Variants in MEX3B observed in about 807,000 individuals in gnomAD.
MEX3B encodes the protein mex-3 RNA binding family member B, also known as RNA-binding protein MEX3B.
A neutral mutation model predicts 12.2 loss-of-function variants in MEX3B; 10 were observed. That is an observed-to-expected ratio of 0.82 (90% CI 0.51 to 1.40). The LOEUF (loss-of-function observed/expected upper bound fraction) is 1.40, where lower values mean the gene tolerates loss of function less well. Among genes scored for constraint, MEX3B ranks in the 40% most tolerant of loss-of-function variants. The pLI, the probability that MEX3B is intolerant of heterozygous loss-of-function variation, is 0.00. For synonymous variants in MEX3B, 498 were observed against 356.3 expected, an observed-to-expected ratio of 1.40 and a Z score of -4.48; for missense variants, 839 against 801.4, an observed-to-expected ratio of 1.05 and a Z score of -0.57.
Position 82,043,158 on chromosome 15 carries a change from C to G in MEX3B, c.*2G>C. On this transcript the variant is annotated 3_prime_UTR_variant, in exon 2 of 2. Transcript: ENST00000329713. ...GGTGCGCACTAGCAGCGCCCGCTGC[C>G]TTTAAGAAAAGATGCGGATGGCCTG... The G allele has an allele frequency of 4.6e-6, 7 of 1,526,186 alleles. No individual in the cohort carries two copies. Among genetic ancestry groups the G allele is most frequent in the Non-Finnish European group, 6.2e-6 (7 of 1,136,100 alleles). The allele number at this position is 1,526,186 out of a possible 1,614,324, so 94.5% of individuals were successfully genotyped here. A position where few individuals can be genotyped will look rare whatever the true frequency, so the allele number is the denominator to read the frequency against.
In MEX3B at chr15:82,044,814, C is replaced by A; in HGVS notation, c.257-201G>T. On this transcript the variant is annotated intron_variant, in intron 1 of 1. Transcript: ENST00000329713. The surrounding 1 kb of genome is among the most constrained non-coding windows in gnomAD (Gnocchi z 5.3). Reference sequence around the variant, plus strand: ...CAGCGGATCCCACCCGCGAGGCGCTCGAGGAACAGCCCATTGGCTGCCTGG... The same window carrying A: ...CAGCGGATCCCACCCGCGAGGCGCTAGAGGAACAGCCCATTGGCTGCCTGG... 1 of 617,174 alleles carries A rather than the reference C, an allele frequency of 1.6e-6. No individual in the cohort carries two copies. Among genetic ancestry groups the A allele is most frequent in the Admixed American group, 2.7e-5 (1 of 36,460 alleles). The allele number at this position is 617,174 out of a possible 1,614,324, so 38.2% of individuals were successfully genotyped here.
chr15:82,045,165 T>A (rs561656220), intron 1 of MEX3B: 1 of 613,636 alleles, frequency 1.6e-6, no homozygotes, highest in African/African-American at 1.8e-5. Flanking sequence ...CCAAGCATCT[T>A]ACATTTAAAT....
chr15:82,043,249 C>A lies in MEX3B; in HGVS notation c.1621G>T (p.Glu541Ter). The change falls in exon 2 of 2, where the codon GAG becomes TAG. Residue 541 changes from glutamate (E) to a stop codon, truncating the protein, a stop_gained. Transcript: ENST00000329713. LOFTEE classifies it high-confidence loss of function. The part of the protein sequence containing the change: ...VPCGHNLFCM[E>*]CANRICEKSE... ...TTCTCACAGATGCGATTGGCGCACT[C>A]CATGCAGAAGAGGTTGTGGCCACAG... 1 of 1,607,760 alleles carries A rather than the reference C, an allele frequency of 6.2e-7. No individual in the cohort carries two copies. The highest frequency in any genetic ancestry group is 8.5e-7 in the Non-Finnish European group (1 of 1,176,668).
In MEX3B at chr15:82,043,108, G is replaced by C; in HGVS notation, c.*52C>G. 7.1e-7 allele frequency: 1 copy of C among 1,417,604 alleles called. No homozygotes were observed. Among genetic ancestry groups the C allele is most frequent in the Non-Finnish European group, 9.2e-7 (1 of 1,083,374 alleles). The allele number at this position is 1,417,604 out of a possible 1,614,324, so 87.8% of individuals were successfully genotyped here. A position where few individuals can be genotyped will look rare whatever the true frequency, so the allele number is the denominator to read the frequency against. Reference sequence around the variant, plus strand: ...GCGAGCGCTGGGGAAAGAGGGTGGGGAGGGGTTCCCCCTTCCCCCAGCACG... The same window carrying C: ...GCGAGCGCTGGGGAAAGAGGGTGGGCAGGGGTTCCCCCTTCCCCCAGCACG... On this transcript the variant is annotated 3_prime_UTR_variant, in exon 2 of 2. Transcript: ENST00000329713.
At position 82,044,136 on chromosome 15, in the gene MEX3B, C is replaced by T. The variant is rs779976369; in HGVS notation, c.734G>A (p.Gly245Asp). ...LTDENDFHAN[G>D]TDVGFDLHHG... is the part of the protein sequence containing the mutation. ...ATGCAGATCGAAGCCCACATCGGTG[C>T]CGTTGGCGTGGAAGTCGTTCTCGTC... The change falls in exon 2 of 2, where the codon GGC becomes GAC. Residue 245 changes from glycine to aspartate, a missense_variant. Gly to Asp is a moderately conservative substitution (Grantham distance 94, BLOSUM62 -1). Around this residue, in one of 3 missense-constraint regions of MEX3B, gnomAD observed 573 missense variants for 488.9 expected, o/e 1.17. Transcript: ENST00000329713. This position sits in a 1 kb window ranked among gnomAD's most constrained non-coding sequence, Gnocchi z 5.3. 2 of 1,613,716 alleles carry T rather than the reference C, an allele frequency of 1.2e-6. No homozygotes were observed. Among genetic ancestry groups the T allele is most frequent in the Non-Finnish European group, 1.7e-6 (2 of 1,180,016 alleles).
At position 82,043,374 on chromosome 15, in the gene MEX3B, G is replaced by A. The variant is rs2073232233; in HGVS notation, c.1496C>T (p.Ser499Phe). 6.3e-7 allele frequency: 1 copy of A among 1,588,240 alleles called. No homozygotes were observed. Among genetic ancestry groups the A allele is most frequent in the Non-Finnish European group, 8.6e-7 (1 of 1,167,532 alleles). ...GGAAGAGGATGAAGAGCTGGAGGAG[G>A]AGCTGGACGAAGAGGAGGAGCCCGA... ...DTSGSSSSSS[S>F]SSSSSSSSSG... The change falls in exon 2 of 2, where the codon TCC becomes TTC. Residue 499 changes from serine to phenylalanine, a missense_variant. By Grantham distance (155) the Ser-to-Phe change is radical. Around this residue, in one of 3 missense-constraint regions of MEX3B, gnomAD observed 573 missense variants for 488.9 expected, o/e 1.17. Coordinates refer to ENST00000329713, the MANE Select transcript of MEX3B (RefSeq NM_032246.6).
chr15:82,042,217 C>G lies in MEX3B; in HGVS notation c.*943G>C, dbSNP rs1269502374. The G allele has an allele frequency of 6.6e-6, 1 of 152,522 alleles. No homozygotes were observed. The highest frequency in any genetic ancestry group is 2.4e-5 in the African/African-American group (1 of 41,452). 9.4% of individuals were successfully genotyped at this position (152,522 alleles called of 1,614,324 possible). A position where few individuals can be genotyped will look rare whatever the true frequency, so the allele number is the denominator to read the frequency against. On this transcript the variant is annotated 3_prime_UTR_variant, in exon 2 of 2. Transcript: ENST00000329713. ...TTGTAATAATATAGAATAAAATATG[C>G]TTTATATCACTGAATAGAAAATATG...
In MEX3B at chr15:82,045,238, G is replaced by T. The variant is rs976466531; in HGVS notation, c.256+212C>A. The T allele has an allele frequency of 4.4e-6, 3 of 681,364 alleles. No homozygotes were observed. In the Admixed American group the frequency reaches 6.5e-5, roughly 15 times the overall value. 42.2% of individuals were successfully genotyped at this position (681,364 alleles called of 1,614,324 possible). A position where few individuals can be genotyped will look rare whatever the true frequency, so the allele number is the denominator to read the frequency against. ...GGAGAAGGCAGTGATTTTAGCAGAAGAAAGTGCATCCCGCCAGGGCAGCGG... is the reference window on the plus strand; with the variant it reads ...GGAGAAGGCAGTGATTTTAGCAGAATAAAGTGCATCCCGCCAGGGCAGCGG... On this transcript the variant is annotated intron_variant, in intron 1 of 1. Coordinates refer to ENST00000329713, the MANE Select transcript of MEX3B (RefSeq NM_032246.6).
chr15:82,044,918 T>G lies in MEX3B; in HGVS notation c.257-305A>C. ...GTCATCTGGGGAGATGCCGCTGGGA[T>G]CCAGCTGGGCGCGCCGTCAGCTCTG... On this transcript the variant is annotated intron_variant, in intron 1 of 1. Transcript: ENST00000329713. The surrounding 1 kb of genome is among the most constrained non-coding windows in gnomAD (Gnocchi z 5.3). The G allele has an allele frequency of 1.8e-6, 1 of 570,948 alleles. No homozygotes were observed. The highest frequency in any genetic ancestry group is 2.1e-5 in the South Asian group (1 of 48,290). The allele number at this position is 570,948 out of a possible 1,614,324, so 35.4% of individuals were successfully genotyped here.
chr15:82,044,138 G>T lies in MEX3B; in HGVS notation c.732C>A (p.Asn244Lys), dbSNP rs749139125. ...ELTDENDFHANGTDVGFDLHH... is the reference protein window; with the variant it reads ...ELTDENDFHAKGTDVGFDLHH... Reference sequence around the variant, plus strand: ...GCAGATCGAAGCCCACATCGGTGCCGTTGGCGTGGAAGTCGTTCTCGTCTG... The same window carrying T: ...GCAGATCGAAGCCCACATCGGTGCCTTTGGCGTGGAAGTCGTTCTCGTCTG... The change falls in exon 2 of 2, where the codon AAC (asparagine) becomes AAA (lysine). Residue 244 changes from asparagine (N) to lysine (K), a missense_variant. Transcript: ENST00000329713. The surrounding 1 kb of genome is among the most constrained non-coding windows in gnomAD (Gnocchi z 5.3). 1 of 1,613,746 alleles carries T rather than the reference G, an allele frequency of 6.2e-7. No homozygotes were observed. Among genetic ancestry groups the T allele is most frequent in the Non-Finnish European group, 8.5e-7 (1 of 1,180,034 alleles).
chr15:82,044,208 A>G lies in MEX3B; in HGVS notation c.662T>C (p.Ile221Thr). The G allele has an allele frequency of 6.2e-7, 1 of 1,614,026 alleles. No homozygotes were observed. Among genetic ancestry groups the G allele is most frequent in the Non-Finnish European group, 8.5e-7 (1 of 1,180,018 alleles). Residue 221 changes from isoleucine (I) to threonine (T), a missense_variant, in exon 2 of 2, where the codon ATT becomes ACT. By Grantham distance (89) the Ile-to-Thr change is moderately conservative. Transcript: ENST00000329713. This position sits in a 1 kb window ranked among gnomAD's most constrained non-coding sequence, Gnocchi z 5.3. ...GGTACGCAGAGCAATGTGCGCCTCA[A>G]TCTCCTCTCGAGCGCGATCCACGTT... ...PENVDRAREEIEAHIALRTGG... is the reference protein window; with the variant it reads ...PENVDRAREETEAHIALRTGG...
Position 82,043,930 on chromosome 15 carries a change from G to T in MEX3B, c.940C>A (p.Arg314Ser). The T allele has an allele frequency of 6.2e-7, 1 of 1,603,112 alleles. No individual in the cohort carries two copies. The highest frequency in any genetic ancestry group is 8.5e-7 in the Non-Finnish European group (1 of 1,177,506). ...CTAGGGGGGCTGTAGTCCGCCAGGC[G>T]CTGGGTAGCCGCTGCGCTGCTGCTG... ...GTSSSAAATQ[R>S]LADYSPPSPA... Residue 314 changes from arginine to serine, a missense_variant, in exon 2 of 2, where the codon CGC becomes AGC. Arg to Ser is a moderately radical substitution (Grantham distance 110). This residue lies in a region of MEX3B where 573 missense variants were observed against 488.9 expected (regional missense o/e 1.17). Transcript: ENST00000329713.
In MEX3B at chr15:82,042,501, GAATAA is replaced by G. The variant is rs1210475023; in HGVS notation, c.*654_*658del. ...AAATATAATTTTTCAAGTCAAAAAA[GAATAA>G]AATACTTCAATCTGTATTAATGCAA... On this transcript the variant is annotated 3_prime_UTR_variant, in exon 2 of 2. Coordinates refer to ENST00000329713, the MANE Select transcript of MEX3B (RefSeq NM_032246.6). 5.9e-5 allele frequency: 9 copies of G among 152,520 alleles called. No homozygotes were observed. The highest frequency in any genetic ancestry group is 1.7e-4 in the African/African-American group (7 of 41,444). The allele number at this position is 152,520 out of a possible 1,614,324, so 9.4% of individuals were successfully genotyped here. A position where few individuals can be genotyped will look rare whatever the true frequency, so the allele number is the denominator to read the frequency against.
At position 82,042,951 on chromosome 15, in the gene MEX3B, G is replaced by A. The variant is rs1232173404; in HGVS notation, c.*209C>T. Reference sequence around the variant, plus strand: ...ACAGTACTCTTGATGCAGATATCCTGGCAAATTCCTTTACTTAAAAATTAA... The same window carrying A: ...ACAGTACTCTTGATGCAGATATCCTAGCAAATTCCTTTACTTAAAAATTAA... On this transcript the variant is annotated 3_prime_UTR_variant, in exon 2 of 2. Coordinates refer to ENST00000329713, the MANE Select transcript of MEX3B (RefSeq NM_032246.6). The A allele has an allele frequency of 9.5e-6, 4 of 421,402 alleles. No homozygotes were observed. Among genetic ancestry groups the A allele is most frequent in the Non-Finnish European group, 1.6e-5 (4 of 242,474 alleles). The allele number at this position is 421,402 out of a possible 1,614,324, so 26.1% of individuals were successfully genotyped here. A position where few individuals can be genotyped will look rare whatever the true frequency, so the allele number is the denominator to read the frequency against.
In MEX3B at chr15:82,042,394, AC is replaced by A. The variant is rs891420399; in HGVS notation, c.*765del. ...ACAGTGTTCTTTGCCATAAGGCCAT[AC>A]TAAAATAAAAAGATTTAACCCAGCT... On this transcript the variant is annotated 3_prime_UTR_variant, in exon 2 of 2. Coordinates refer to ENST00000329713, the MANE Select transcript of MEX3B (RefSeq NM_032246.6). 11 of 152,656 alleles carry A rather than the reference AC, an allele frequency of 7.2e-5. No homozygotes were observed. Among genetic ancestry groups the A allele is most frequent in the Non-Finnish European group, 1.3e-4 (9 of 68,046 alleles). The allele number at this position is 152,656 out of a possible 1,614,324, so 9.5% of individuals were successfully genotyped here. A position where few individuals can be genotyped will look rare whatever the true frequency, so the allele number is the denominator to read the frequency against.
In MEX3B at chr15:82,044,668, A is replaced by T. The variant is rs1596007054; in HGVS notation, c.257-55T>A. On this transcript the variant is annotated intron_variant, in intron 1 of 1. Coordinates refer to ENST00000329713, the MANE Select transcript of MEX3B (RefSeq NM_032246.6). This position sits in a 1 kb window ranked among gnomAD's most constrained non-coding sequence, Gnocchi z 5.3. Reference sequence around the variant, plus strand: ...GGAGAGAGAGACAGACACGCCCATTATCCTGGGGTAACCGCGGGGACCGGG... The same window carrying T: ...GGAGAGAGAGACAGACACGCCCATTTTCCTGGGGTAACCGCGGGGACCGGG... 2 of 1,578,434 alleles carry T rather than the reference A, an allele frequency of 1.3e-6. No homozygotes were observed. The highest frequency in any genetic ancestry group is 1.7e-6 in the Non-Finnish European group (2 of 1,150,108).
intron 1 of MEX3B, 35 bp downstream of exon 1, chr15:82,045,415 A>ACCCCCCCCCCCCCCCCCCCCC: frequency 6.5e-7 from 1 of 1,530,526 alleles, no homozygotes; most frequent in Non-Finnish European, 8.9e-7. Context: ...ACCCTACACC[A>ACCCCCCCCCCCCCCCCCCCCC]CCCCCACCCA....
At position 82,044,197 on chromosome 15, in the gene MEX3B, T is replaced by G; in HGVS notation, c.673A>C (p.Ile225Leu). ...ATGATGCCGCCGGTACGCAGAGCAA[T>G]GTGCGCCTCAATCTCCTCTCGAGCG... is the stretch of plus-strand genomic sequence containing the variant. The part of the protein sequence containing the change: ...DRAREEIEAH[I>L]ALRTGGIIEL... The change falls in exon 2 of 2, where the codon ATT becomes CTT. Residue 225 changes from isoleucine to leucine, a missense_variant. Physicochemically the swap from Ile to Leu is conservative, Grantham distance 5. Transcript: ENST00000329713. This position sits in a 1 kb window ranked among gnomAD's most constrained non-coding sequence, Gnocchi z 5.3. 6.2e-7 allele frequency: 1 copy of G among 1,614,046 alleles called. No homozygotes were observed. The highest frequency in any genetic ancestry group is 8.5e-7 in the Non-Finnish European group (1 of 1,180,034).
chr15:82,044,028 A>G lies in MEX3B; in HGVS notation c.842T>C (p.Phe281Ser), dbSNP rs750123863. Reference sequence around the variant, plus strand: ...GGAGCTGTCGTTGCGGTAGCTAGAGAAAGGCTTGCGGCCGGGGGTGGGCGT... The same window carrying G: ...GGAGCTGTCGTTGCGGTAGCTAGAGGAAGGCTTGCGGCCGGGGGTGGGCGT... Reference protein sequence around the residue: ...SITPTPGRKPFSSYRNDSSSS... With the variant: ...SITPTPGRKPSSSYRNDSSSS... The change falls in exon 2 of 2, where the codon TTC becomes TCC. Residue 281 changes from phenylalanine (F) to serine (S), a missense_variant. Physicochemically the swap from Phe to Ser is radical, Grantham distance 155 (BLOSUM62 -2). Transcript: ENST00000329713. The surrounding 1 kb of genome is among the most constrained non-coding windows in gnomAD (Gnocchi z 5.3). The G allele has an allele frequency of 6.2e-7, 1 of 1,608,222 alleles. No homozygotes were observed. Among genetic ancestry groups the G allele is most frequent in the Admixed American group, 1.7e-5 (1 of 59,974 alleles).
Sources: allele counts gnomAD v4.1 joint callset, GRCh38; gene constraint gnomAD v4.1.1; regional missense constraint gnomAD v4.1.1; non-coding constraint Gnocchi (gnomAD v3.1); transcripts MANE v1.5; gene names NCBI Gene and HGNC (gene_info 2026-07-23, HGNC 2026-07-21).